The following KCMF1 variants were observed in gnomAD, a reference collection of about 807,000 sequenced individuals.
KCMF1 encodes the protein potassium channel modulatory factor 1.
Under a neutral mutation model 41.1 loss-of-function variants are expected in KCMF1, and 3 were observed. The ratio of observed to expected loss-of-function variants is 0.07; its 90% CI spans 0.03 to 0.19. KCMF1 has a LOEUF of 0.19. KCMF1 is among the 10% of genes least tolerant of loss of function. KCMF1 has a pLI of 1.00. For missense variants in KCMF1, 286 were observed against 488.9 expected, an observed-to-expected ratio of 0.58 and a Z score of 3.91; for synonymous variants, 142 against 164.5, an observed-to-expected ratio of 0.86 and a Z score of 1.04.
chr2:85,043,961 T>C (rs1191931601), intron 4 of KCMF1, among the ~76,000 whole-genome samples: 1 of 152,230 alleles, frequency 6.6e-6, no homozygotes, highest in African/African-American at 2.4e-5. Flanking sequence ...AGTGCTGAGA[T>C]GCAATTTATT....
chr2:84,998,225 G>A (rs1674223871), intron 1 of KCMF1, among the ~76,000 whole-genome samples: 1 of 151,860 alleles, frequency 6.6e-6, no homozygotes, highest in Non-Finnish European at 1.5e-5. Context: ...CCGAGTAGCT[G>A]GGATTACAGG....
chr2:84,981,156 A>G (rs1673734160), intron 1 of KCMF1, among the ~76,000 whole-genome samples: 2 of 151,732 alleles, frequency 1.3e-5, no homozygotes, highest in South Asian at 4.2e-4. Flanking sequence ...TCTTGATATC[A>G]TGACTAATTA....
intron 1 of KCMF1, among the ~76,000 whole-genome samples, chr2:85,009,525 G>C (rs982421871): frequency 6.6e-6 from 1 of 152,130 alleles, no homozygotes; most frequent in Non-Finnish European, 1.5e-5. Context: ...CCTATTCTCT[G>C]TTCTGGAAAG....
At chr2:84,981,678 T>C (rs998612722) in intron 1 of KCMF1, among the ~76,000 whole-genome samples, 2 of 152,128 alleles carry the variant, frequency 1.3e-5, no homozygotes, top group South Asian at 2.1e-4. Context: ...GTTATGACTT[T>C]TATTGTTCCT....
chr2:84,997,422 T>C (rs1252255843), intron 1 of KCMF1, among the ~76,000 whole-genome samples: 2 of 152,206 alleles, frequency 1.3e-5, no homozygotes, highest in African/African-American at 4.8e-5. Flanking sequence ...GCGGTTACCA[T>C]GCCCATGATT....
intron 1 of KCMF1, among the ~76,000 whole-genome samples, chr2:85,009,316 C>G (rs1235806907): frequency 1.3e-5 from 2 of 152,176 alleles, no homozygotes; most frequent in Admixed American, 6.5e-5. Context: ...GCCTCCCAGT[C>G]ATGCATCCTG....
At position 85,056,452 on chromosome 2, in the gene KCMF1, C is replaced by T. The variant is rs1359741229; in HGVS notation, c.*3043C>T. ...TCAGAGTTCTCTTGATACGTCCAAG[C>T]CTTAGTTTCCAGGAAAAAAGCTAGG... On this transcript the variant is annotated 3_prime_UTR_variant, in exon 7 of 7. Coordinates refer to ENST00000409785, the MANE Select transcript of KCMF1 (RefSeq NM_020122.5). 3 of 152,094 alleles carry T rather than the reference C, an allele frequency of 2.0e-5. No homozygotes were observed. The highest frequency in any genetic ancestry group is 4.4e-5 in the Non-Finnish European group (3 of 68,030). 9.4% of individuals were successfully genotyped at this position (152,094 alleles called of 1,614,324 possible). A position where few individuals can be genotyped will look rare whatever the true frequency, so the allele number is the denominator to read the frequency against.
chr2:85,021,619 C>CAA (rs528912139), intron 1 of KCMF1, among the ~76,000 whole-genome samples: 102 of 138,958 alleles, frequency 7.3e-4, no homozygotes, highest in African/African-American at 2.4e-3. Flanking sequence ...GAGACTGTCA[C>CAA]AAAAAAAAAA....
At chr2:85,001,022 T>A (rs1674314118) in intron 1 of KCMF1, among the ~76,000 whole-genome samples, 1 of 151,250 alleles carries the variant, frequency 6.6e-6, no homozygotes, top group Admixed American at 6.6e-5. Context: ...AGGGATGGGG[T>A]CTCACTATTG....
intron 1 of KCMF1, among the ~76,000 whole-genome samples, chr2:85,003,275 C>G (rs1488173743): frequency 6.6e-6 from 1 of 151,882 alleles, no homozygotes; most frequent in African/African-American, 2.4e-5. Context: ...AGATTGAGAC[C>G]ATTCTGGCTA....
intron 1 of KCMF1, among the ~76,000 whole-genome samples, chr2:84,997,764 CTTTTTTTTTTTT>C (rs112460793): frequency 7.5e-5 from 6 of 80,248 alleles, no homozygotes; most frequent in East Asian, 4.5e-4. Flanking sequence ...AATACATTTT[CTTTTTTTTTTTT>C]TTTTTTTTTT....
At position 85,043,595 on chromosome 2, in the gene KCMF1, G is replaced by A; in HGVS notation, c.356G>A (p.Gly119Asp). The stretch of plus-strand genomic sequence containing the variant: ...CCAATATGTGCAGCGTTACCTGGAG[G>A]CGATCCTAATCATGTCACGGATGAC... Reference protein sequence around the residue: ...ICPICAALPGGDPNHVTDDFA... With the variant: ...ICPICAALPGDDPNHVTDDFA... Residue 119 changes from glycine to aspartate, a missense_variant, in exon 4 of 7, where the codon GGC becomes GAC. Physicochemically the swap from Gly to Asp is moderately conservative, Grantham distance 94 (BLOSUM62 -1). Transcript: ENST00000409785. The A allele has an allele frequency of 1.2e-6, 2 of 1,612,798 alleles. No homozygotes were observed. Among genetic ancestry groups the A allele is most frequent in the Non-Finnish European group, 8.5e-7 (1 of 1,179,174 alleles).
intron 1 of KCMF1, among the ~76,000 whole-genome samples, chr2:84,982,317 T>TTAGGAGTTAAGGATGTTGAAG (rs1559125277): frequency 6.6e-6 from 1 of 151,198 alleles, no homozygotes. Flanking sequence ...GTTTTCTAAA[T>TTAGGAGTTAAGGATGTTGAAG]TAGGAGTTAA....
At chr2:85,043,705 A>G in intron 4 of KCMF1, 40 bp downstream of exon 4, 1 of 1,355,880 alleles carries the variant, frequency 7.4e-7, no homozygotes, top group South Asian at 1.2e-5. Flanking sequence ...AGTTGTTTGT[A>G]ATGTTTGTCA....
At chr2:85,001,525 T>A (rs1674328336) in intron 1 of KCMF1, among the ~76,000 whole-genome samples, 1 of 152,208 alleles carries the variant, frequency 6.6e-6, no homozygotes, top group Non-Finnish European at 1.5e-5. Context: ...GTAGGAGGTT[T>A]AGAAAATCCT....
intron 1 of KCMF1, among the ~76,000 whole-genome samples, chr2:84,982,389 CTTTTTTTTTTTTTTTTTT>C (rs34687477): frequency 2.3e-4 from 11 of 47,264 alleles, no homozygotes; most frequent in Admixed American, 3.7e-4. Flanking sequence ...TCCTTATTTT[CTTTTTTTTTTTTTTTTTT>C]TTTTTTTTTT....
chr2:85,046,388 G>A (rs1462604108), intron 5 of KCMF1, 110 bp downstream of exon 5: 2 of 788,054 alleles, frequency 2.5e-6, no homozygotes. Flanking sequence ...CCAGCACTCT[G>A]GGAGGCTGGA....
chr2:84,984,482 C>T (rs2103969853), intron 1 of KCMF1, among the ~76,000 whole-genome samples: 1 of 152,176 alleles, frequency 6.6e-6, no homozygotes, highest in South Asian at 2.1e-4. Context: ...TTAACATATA[C>T]TGGTTTCATG....
chr2:85,031,305 C>A (rs1324002965), intron 2 of KCMF1, among the ~76,000 whole-genome samples: 5 of 152,208 alleles, frequency 3.3e-5, no homozygotes, highest in Middle Eastern at 3.4e-3. Flanking sequence ...TTTTTAATTT[C>A]TTTTGACAAA....
Sources: gnomAD v4.1 joint callset for allele counts (sites outside exome capture counted in the v4.1 genomes callset) on GRCh38, gnomAD v4.1.1 for gene constraint, MANE v1.5 for transcripts, NCBI Gene and HGNC (gene_info 2026-07-23, HGNC 2026-07-21) for gene names.